PTBP3: variants seen among roughly 807,000 people sequenced by gnomAD.
The protein encoded by PTBP3 is polypyrimidine tract binding protein 3.
Under a neutral mutation model 58.7 loss-of-function variants are expected in PTBP3, and 20 were observed. That is an observed-to-expected ratio of 0.34 (90% CI 0.24 to 0.50). PTBP3 has a LOEUF of 0.50. PTBP3 is among the 20% of genes least tolerant of loss of function. PTBP3 has a pLI of 0.98. For missense variants in PTBP3, 509 were observed against 637.2 expected (o/e 0.80, Z 2.17); for synonymous variants, 185 against 219.8 (o/e 0.84, Z 1.40).
chr9:112,322,491 G>A (rs1407528946), intron 1 of PTBP3, among the ~76,000 whole-genome samples: 1 of 152,146 alleles, frequency 6.6e-6, no homozygotes, highest in Non-Finnish European at 1.5e-5. Flanking sequence ...GTATAGCAAA[G>A]GATTATAGCT....
chr9:112,246,523 T>C (rs1330399986), intron 7 of PTBP3, among the ~76,000 whole-genome samples: 2 of 151,272 alleles, frequency 1.3e-5, no homozygotes, highest in Non-Finnish European at 3.0e-5. Flanking sequence ...TGAAAGTCCA[T>C]CCTACTAAAA....
At position 112,220,446 on chromosome 9, in the gene PTBP3, A is replaced by G. The variant is rs983269258; in HGVS notation, c.*3405T>C. 1 of 1,148,968 alleles carries G rather than the reference A, an allele frequency of 8.7e-7. No individual in the cohort carries two copies. Among genetic ancestry groups the G allele is most frequent in the African/African-American group, 1.6e-5 (1 of 60,914 alleles). 71.2% of individuals were successfully genotyped at this position (1,148,968 alleles called of 1,614,324 possible). A position where few individuals can be genotyped will look rare whatever the true frequency, so the allele number is the denominator to read the frequency against. ...CATAGGAGCCACTTCTCATCAACTA[A>G]AACAGAACCCATGATTATCATACTA... On this transcript the variant is annotated 3_prime_UTR_variant, in exon 14 of 14. Coordinates refer to ENST00000374257, the MANE Select transcript of PTBP3 (RefSeq NM_001163788.4).
the PTBP3 span, among the ~76,000 whole-genome samples, chr9:112,373,412 A>G: frequency 1.3e-5 from 2 of 152,164 alleles, no homozygotes; most frequent in Admixed American, 6.5e-5. Context: ...CTTTGTATTC[A>G]CTGGCAGCTG....
the PTBP3 span, among the ~76,000 whole-genome samples, chr9:112,356,796 G>GCACA: frequency 7.2e-3 from 449 of 62,542 alleles, 1 homozygote; most frequent in African/African-American, 0.02. Flanking sequence ...TTGCGTGTGC[G>GCACA]CACACACACA....
rs147932002 is a variant in PTBP3 at position 112,223,704 on chromosome 9, AT to A, written c.*146del. ...GGCAGGGGGAATACAAAAAAAAAAA[AT>A]CCCTTGATTTTTAAAATATACTTGA... On this transcript the variant is annotated 3_prime_UTR_variant, in exon 14 of 14. Transcript: ENST00000374257. 10,108 of 1,257,568 alleles carry A rather than the reference AT, an allele frequency of 8.0e-3. 11 individuals are homozygous for A. The highest frequency in any genetic ancestry group is 0.022 in the South Asian group (1,047 of 47,442). The allele number at this position is 1,257,568 out of a possible 1,614,324, so 77.9% of individuals were successfully genotyped here.
intron 7 of PTBP3, among the ~76,000 whole-genome samples, chr9:112,250,102 A>G (rs1836046271): frequency 6.6e-6 from 1 of 152,098 alleles, no homozygotes; most frequent in Non-Finnish European, 1.5e-5. Flanking sequence ...GGTTGTCTTA[A>G]TTTTATAATT....
At chr9:112,251,956 C>T (rs957481221) in intron 6 of PTBP3, among the ~76,000 whole-genome samples, 3 of 152,056 alleles carry the variant, frequency 2.0e-5, no homozygotes, top group African/African-American at 7.2e-5. Flanking sequence ...GTACCACAAG[C>T]CATAGTCCTC....
Position 112,234,727 on chromosome 9 carries a change from C to A in PTBP3, c.880+93G>T, listed in dbSNP as rs1250054127. The A allele has an allele frequency of 2.4e-6, 3 of 1,231,804 alleles. No homozygotes were observed. The African/African-American group carries it at 4.5e-5, about 18-fold the overall frequency. 76.3% of individuals were successfully genotyped at this position (1,231,804 alleles called of 1,614,324 possible). On this transcript the variant is annotated intron_variant, in intron 8 of 13. Coordinates refer to ENST00000374257, the MANE Select transcript of PTBP3 (RefSeq NM_001163788.4). Reference sequence around the variant, plus strand: ...TATGCATAATGCTTTATGGTAAATTCTTCAAATATGATAACATTCTTCATC... The same window carrying A: ...TATGCATAATGCTTTATGGTAAATTATTCAAATATGATAACATTCTTCATC...
chr9:112,356,009 T>C, the PTBP3 span, among the ~76,000 whole-genome samples: 13 of 151,452 alleles, frequency 8.6e-5, no homozygotes, highest in African/African-American at 2.4e-4. Context: ...TTTTCTTTCC[T>C]TCCTTCTTTC....
chr9:112,306,418 C>A (rs2132357243), intron 1 of PTBP3, among the ~76,000 whole-genome samples: 1 of 149,360 alleles, frequency 6.7e-6, no homozygotes, highest in East Asian at 2.0e-4. Flanking sequence ...CTTCGACCTT[C>A]CAAAGTGCTG....
At chr9:112,259,197 T>C (rs549342398) in intron 5 of PTBP3, among the ~76,000 whole-genome samples, 2 of 152,058 alleles carry the variant, frequency 1.3e-5, no homozygotes, top group African/African-American at 2.4e-5. Context: ...AGATGATCCA[T>C]TGGCCTCAGC....
In PTBP3 at chr9:112,285,050, G is replaced by C. The variant is rs375665628; in HGVS notation, c.35-9037C>G. Among the ~76,000 whole-genome samples, 208 of 152,244 alleles carry C rather than the reference G, an allele frequency of 1.4e-3. 1 individual carries two copies. Among genetic ancestry groups the C allele is most frequent in the South Asian group, 4.8e-3 (23 of 4,826 alleles). ...AGGATGTGAAATTTGGGAGGGGCCG[G>C]GGCAGAATAATATGGTTTCACTCTG... On this transcript the variant is annotated intron_variant, in intron 2 of 13. Transcript: ENST00000374257.
chr9:112,227,386 G>A, intron 12 of PTBP3, 25 bp downstream of exon 12: 1 of 1,598,976 alleles, frequency 6.3e-7, no homozygotes, highest in Non-Finnish European at 8.6e-7. Context: ...TCATCTAAGT[G>A]ATTAATAACT....
intron 11 of PTBP3, 25 bp from the exon 12 acceptor site, chr9:112,227,652 A>T: frequency 2.6e-6 from 4 of 1,552,872 alleles, no homozygotes; most frequent in Non-Finnish European, 3.6e-6. Context: ...GAAAATTTTA[A>T]AGTTTGAGTA....
intron 12 of PTBP3, among the ~76,000 whole-genome samples, chr9:112,226,778 T>C (rs1051760871): frequency 1.3e-5 from 2 of 152,238 alleles, no homozygotes; most frequent in African/African-American, 4.8e-5. Context: ...GAATTTTATA[T>C]AATTTTCTCA....
upstream of PTBP3, among the ~76,000 whole-genome samples, chr9:112,336,183 C>T (rs1830575180): frequency 6.6e-6 from 1 of 152,034 alleles, no homozygotes; most frequent in Admixed American, 6.5e-5. Flanking sequence ...CTCATAATTT[C>T]ATTTCATAAT....
At chr9:112,350,924 G>A in the PTBP3 span, among the ~76,000 whole-genome samples, 5 of 151,838 alleles carry the variant, frequency 3.3e-5, no homozygotes, top group Admixed American at 2.6e-4. Flanking sequence ...CCAGCCTCCC[G>A]AGTAGTTGGG....
At chr9:112,267,900 AT>A (rs1589843537) in intron 4 of PTBP3, 148 bp downstream of exon 4, 2 of 652,246 alleles carry the variant, frequency 3.1e-6, no homozygotes, top group East Asian at 6.7e-5. Flanking sequence ...ATTCTTAAGA[AT>A]TGGGGGGAAG....
At chr9:112,321,033 A>G (rs1156462597) in intron 1 of PTBP3, among the ~76,000 whole-genome samples, 1 of 152,222 alleles carries the variant, frequency 6.6e-6, no homozygotes, top group Admixed American at 6.5e-5. Context: ...TCAAAATTAA[A>G]TTCTTCTATT....
Sources: gnomAD v4.1 joint callset for allele counts (sites outside exome capture counted in the v4.1 genomes callset) on GRCh38, gnomAD v4.1.1 for gene constraint, MANE v1.5 for transcripts, NCBI Gene and HGNC (gene_info 2026-07-23, HGNC 2026-07-21) for gene names.